ADAM32: variants seen among roughly 807,000 people sequenced by gnomAD.
The protein encoded by ADAM32 is ADAM metallopeptidase domain 32.
A neutral mutation model predicts 114.9 loss-of-function variants in ADAM32; 89 were observed. The ratio of observed to expected loss-of-function variants is 0.77; its 90% CI spans 0.65 to 0.92. The LOEUF (loss-of-function observed/expected upper bound fraction) is 0.92, where lower values mean the gene tolerates loss of function less well. ADAM32 is among the 40% of genes least tolerant of loss of function. ADAM32 has a pLI of 0.00. For missense variants in ADAM32, 870 were observed against 932.8 expected (o/e 0.93, Z 0.88); for synonymous variants, 285 against 307.5 (o/e 0.93, Z 0.77).
At chr8:39,218,166 G>A (rs1808718390) in intron 12 of ADAM32, among the ~76,000 whole-genome samples, 1 of 151,876 alleles carries the variant, frequency 6.6e-6, no homozygotes. Context: ...AGAATTCTCT[G>A]GATTACCAGG....
intron 6 of ADAM32, chr8:39,158,195 T>A: frequency 8.3e-6 from 1 of 119,848 alleles, no homozygotes; most frequent in African/African-American, 3.4e-5. Context: ...ATTAGGTGGG[T>A]CTTCTTCATA....
chr8:39,267,229 G>A (rs1425326781), intron 19 of ADAM32, among the ~76,000 whole-genome samples: 1 of 152,218 alleles, frequency 6.6e-6, no homozygotes, highest in Non-Finnish European at 1.5e-5. Context: ...GAGAGGCTGT[G>A]CTGGTGGGGA....
At chr8:39,181,137 C>A (rs908811172) in intron 10 of ADAM32, among the ~76,000 whole-genome samples, 4 of 152,228 alleles carry the variant, frequency 2.6e-5, no homozygotes, top group Admixed American at 6.5e-5. Flanking sequence ...CGCTTGGGTC[C>A]TTTTCCACAC....
chr8:39,243,908 C>T (rs534785620), intron 16 of ADAM32, among the ~76,000 whole-genome samples: 16 of 152,028 alleles, frequency 1.1e-4, no homozygotes, highest in Admixed American at 5.2e-4. Flanking sequence ...AAAAAAGCTC[C>T]GAGATTAGAT....
rs1813599012 is a variant in ADAM32 at position 39,283,789 on chromosome 8, T to TTTTTTTTG, written c.2357+167_2357+168insTTTTTGTT. 8.6e-5 allele frequency among the ~76,000 whole-genome samples: 13 copies of TTTTTTTTG among 150,752 alleles called. 1 individual carries two copies. The highest frequency in any genetic ancestry group is 7.9e-4 in the Admixed American group (12 of 15,164). ...TTTTATTCTTTTTTTTTTTTTTTTT[T>TTTTTTTTG]TTAAGACAGAGTCTTGCTCTGTCGA... On this transcript the variant is annotated intron_variant, in intron 24 of 24. Transcript: ENST00000379907.
chr8:39,200,802 A>G (rs1347678646), intron 11 of ADAM32, among the ~76,000 whole-genome samples: 2 of 152,154 alleles, frequency 1.3e-5, no homozygotes, highest in Non-Finnish European at 2.9e-5. Context: ...ATTTTTGTAT[A>G]AGGTGTAAGG....
intron 11 of ADAM32, among the ~76,000 whole-genome samples, chr8:39,199,647 G>T (rs2129447757): frequency 6.6e-6 from 1 of 151,404 alleles, no homozygotes; most frequent in South Asian, 2.1e-4. Flanking sequence ...TATACCTTAA[G>T]TTCTAGGGTA....
chr8:39,116,359 T>C (rs1840372270), intron 1 of ADAM32, among the ~76,000 whole-genome samples: 1 of 152,234 alleles, frequency 6.6e-6, no homozygotes, highest in South Asian at 2.1e-4. Context: ...TGATTCTTCC[T>C]ATCCATGAGT....
chr8:39,251,670 C>A (rs1257622303), intron 17 of ADAM32, among the ~76,000 whole-genome samples: 1 of 151,702 alleles, frequency 6.6e-6, no homozygotes, highest in Non-Finnish European at 1.5e-5. Context: ...TGTGGGTTGT[C>A]TCTTCACTTT....
chr8:39,183,707 C>G (rs1454087022), intron 10 of ADAM32, among the ~76,000 whole-genome samples: 1 of 152,218 alleles, frequency 6.6e-6, no homozygotes, highest in Non-Finnish European at 1.5e-5. Context: ...GGTGCCACAA[C>G]TGAATCTTTA....
chr8:39,207,154 C>T (rs1289959090), intron 11 of ADAM32, among the ~76,000 whole-genome samples: 1 of 152,144 alleles, frequency 6.6e-6, no homozygotes, highest in African/African-American at 2.4e-5. Context: ...AGGCTGGCTT[C>T]TCTGCTCCTC....
At chr8:39,109,573 T>A (rs1208586629) in intron 1 of ADAM32, among the ~76,000 whole-genome samples, 1 of 151,948 alleles carries the variant, frequency 6.6e-6, no homozygotes, top group Non-Finnish European at 1.5e-5. Flanking sequence ...AAAAAAATAT[T>A]AATGAACATT....
chr8:39,257,127 G>C, intron 18 of ADAM32, 60 bp from the exon 19 acceptor site: 1 of 1,424,036 alleles, frequency 7.0e-7, no homozygotes, highest in Non-Finnish European at 9.3e-7. Flanking sequence ...GTTGCAACTT[G>C]AAAGTAAAAG....
intron 13 of ADAM32, among the ~76,000 whole-genome samples, chr8:39,222,463 T>A (rs189476423): frequency 6.6e-6 from 1 of 152,044 alleles, no homozygotes; most frequent in Non-Finnish European, 1.5e-5. Context: ...GATGTTTTAT[T>A]TGAGATTCTT....
At chr8:39,230,426 G>A (rs184425951) in intron 14 of ADAM32, among the ~76,000 whole-genome samples, 1 of 152,150 alleles carries the variant, frequency 6.6e-6, no homozygotes, top group Non-Finnish European at 1.5e-5. Context: ...AAATTGAGTT[G>A]GTTGGCGACT....
chr8:39,267,012 C>G (rs1165020217), intron 19 of ADAM32, among the ~76,000 whole-genome samples: 1 of 152,206 alleles, frequency 6.6e-6, no homozygotes. Context: ...TAAGGTTAAA[C>G]CCCTGTTGCA....
intron 19 of ADAM32, among the ~76,000 whole-genome samples, chr8:39,258,485 G>C (rs146334815): frequency 3.6e-4 from 55 of 151,986 alleles, no homozygotes; most frequent in African/African-American, 1.2e-3. Context: ...AGGATTTCTT[G>C]TTTAAATAAT....
intron 10 of ADAM32, among the ~76,000 whole-genome samples, chr8:39,179,139 A>G (rs1053799895): frequency 1.3e-5 from 2 of 152,074 alleles, no homozygotes; most frequent in Admixed American, 6.5e-5. Flanking sequence ...TAGTCGGCTG[A>G]ACCACAGAGA....
chr8:39,136,734 T>G lies in ADAM32; in HGVS notation c.200+16T>G. ...TTAAACAAAGGTAAATTTTTATTCT[T>G]TAGTTTTGGATTTTATTTTATTTCT... On this transcript the variant is annotated intron_variant, in intron 3 of 24. Transcript: ENST00000379907. 1 of 1,443,152 alleles carries G rather than the reference T, an allele frequency of 6.9e-7. No individual in the cohort carries two copies. Among genetic ancestry groups the G allele is most frequent in the Non-Finnish European group, 9.3e-7 (1 of 1,074,024 alleles). The allele number at this position is 1,443,152 out of a possible 1,614,324, so 89.4% of individuals were successfully genotyped here.
Sources: gnomAD v4.1 joint callset for allele counts (sites outside exome capture counted in the v4.1 genomes callset) on GRCh38, gnomAD v4.1.1 for gene constraint, MANE v1.5 for transcripts, NCBI Gene and HGNC (gene_info 2026-07-23, HGNC 2026-07-21) for gene names.